Variants in PHACTR1 observed in about 807,000 individuals in gnomAD.
PHACTR1 encodes the protein RPEL repeat containing 1.
In PHACTR1, 16 loss-of-function variants were observed where a neutral mutation model predicts 69.2. The ratio of observed to expected loss-of-function variants is 0.23; its 90% CI spans 0.16 to 0.35. The LOEUF (loss-of-function observed/expected upper bound fraction) is 0.35, where lower values mean the gene tolerates loss of function less well. PHACTR1 is among the 10% of genes least tolerant of loss of function. PHACTR1 has a pLI of 1.00. For synonymous variants in PHACTR1, 312 were observed against 284.5 expected (o/e 1.10, Z -0.97); for missense variants, 510 against 734.7 (o/e 0.69, Z 3.54).
intron 4 of PHACTR1, among the ~76,000 whole-genome samples, chr6:12,907,611 G>C (rs1377291493): frequency 6.6e-6 from 1 of 152,136 alleles, no homozygotes; most frequent in African/African-American, 2.4e-5. Context: ...AAATCAGCCT[G>C]GTACCAAATT....
At chr6:12,774,992 G>A (rs1392368264) in intron 4 of PHACTR1, among the ~76,000 whole-genome samples, 1 of 152,166 alleles carries the variant, frequency 6.6e-6, no homozygotes, top group Non-Finnish European at 1.5e-5. Flanking sequence ...TTCCAAGGAC[G>A]TGTCCAACTT....
chr6:13,173,041 A>G (rs1005833355), intron 6 of PHACTR1, among the ~76,000 whole-genome samples: 6 of 152,220 alleles, frequency 3.9e-5, no homozygotes, highest in African/African-American at 1.4e-4. Context: ...AGATTCTGAA[A>G]ATATAGGTTC....
intron 4 of PHACTR1, among the ~76,000 whole-genome samples, chr6:12,856,826 G>A (rs1220440361): frequency 1.3e-5 from 2 of 152,162 alleles, no homozygotes; most frequent in Non-Finnish European, 1.5e-5. Flanking sequence ...TGAGAATTAA[G>A]CCAGAAGTAC....
chr6:13,204,462 ACAACCCACAGGGTT>A (rs1223805921), intron 7 of PHACTR1, among the ~76,000 whole-genome samples: 1 of 152,098 alleles, frequency 6.6e-6, no homozygotes, highest in Non-Finnish European at 1.5e-5. Context: ...AGGCAAGCCT[ACAACCCACAGGGTT>A]CAACCAGGTT....
intron 4 of PHACTR1, among the ~76,000 whole-genome samples, chr6:12,950,925 G>A (rs1046704353): frequency 2.0e-5 from 3 of 152,118 alleles, no homozygotes; most frequent in Non-Finnish European, 4.4e-5. Flanking sequence ...TCTTTCCGGG[G>A]TCTTGGTCCT....
intron 5 of PHACTR1, among the ~76,000 whole-genome samples, chr6:13,147,981 A>C (rs979140190): frequency 2.0e-5 from 3 of 152,136 alleles, no homozygotes; most frequent in African/African-American, 7.2e-5. Flanking sequence ...AGAGGTAGCC[A>C]CTGTCCTGAT....
intron 8 of PHACTR1, among the ~76,000 whole-genome samples, chr6:13,217,776 A>G (rs1203167414): frequency 6.6e-6 from 1 of 152,234 alleles, no homozygotes; most frequent in East Asian, 1.9e-4. Context: ...GGCCATGATA[A>G]ACCACACAAT....
At chr6:13,006,768 G>A (rs1798851980) in intron 4 of PHACTR1, among the ~76,000 whole-genome samples, 1 of 152,104 alleles carries the variant, frequency 6.6e-6, no homozygotes, top group South Asian at 2.1e-4. Context: ...CACAACACAA[G>A]TTCATGTCTC....
At chr6:13,248,732 T>C (rs907689470) in intron 10 of PHACTR1, among the ~76,000 whole-genome samples, 13 of 152,102 alleles carry the variant, frequency 8.5e-5, no homozygotes, top group African/African-American at 3.1e-4. Flanking sequence ...CTGCCGTAAG[T>C]GGAGGAACTC....
intron 4 of PHACTR1, among the ~76,000 whole-genome samples, chr6:13,000,528 A>G (rs1797943753): frequency 6.6e-6 from 1 of 151,680 alleles, no homozygotes; most frequent in African/African-American, 2.4e-5. Flanking sequence ...AGCCTCAGCG[A>G]CAGAGTCTCC....
At position 13,252,518 on chromosome 6, in the gene PHACTR1, T is replaced by C. The variant is rs145044923; in HGVS notation, c.1392-20342T>C. Among the ~76,000 whole-genome samples the C allele has an allele frequency of 2.3e-3, 357 of 152,198 alleles. 1 individual carries two copies. Among genetic ancestry groups the C allele is most frequent in the African/African-American group, 8.1e-3 (335 of 41,540 alleles). ...TTATTTCCATTATTAAAATTCCATCTATCCTGATCTCATTATAATTAACCA... is the reference window on the plus strand; with the variant it reads ...TTATTTCCATTATTAAAATTCCATCCATCCTGATCTCATTATAATTAACCA... On this transcript the variant is annotated intron_variant, in intron 10 of 14. Transcript: ENST00000332995.
chr6:13,075,407 G>A (rs1242382635), intron 5 of PHACTR1, among the ~76,000 whole-genome samples: 2 of 152,106 alleles, frequency 1.3e-5, no homozygotes, highest in Admixed American at 6.6e-5. Flanking sequence ...TGCCACCATC[G>A]AAACAAGAAG....
chr6:13,145,323 ATTTCCTC>A (rs1823170400), intron 5 of PHACTR1, among the ~76,000 whole-genome samples: 1 of 152,208 alleles, frequency 6.6e-6, no homozygotes, highest in South Asian at 2.1e-4. Context: ...TTTGTGACTT[ATTTCCTC>A]TGAATAGTTT....
chr6:12,918,736 T>A (rs550998312), intron 4 of PHACTR1, among the ~76,000 whole-genome samples: 8 of 152,276 alleles, frequency 5.3e-5, no homozygotes, highest in African/African-American at 1.9e-4. Context: ...ACATTATAAA[T>A]CTAAAGATAG....
intron 8 of PHACTR1, among the ~76,000 whole-genome samples, chr6:13,216,588 A>G (rs928870621): frequency 2.6e-5 from 4 of 152,240 alleles, no homozygotes; most frequent in Admixed American, 6.5e-5. Flanking sequence ...GGTGATGATC[A>G]TCTCTTCAAA....
intron 7 of PHACTR1, among the ~76,000 whole-genome samples, chr6:13,193,915 C>T (rs1763978172): frequency 6.6e-6 from 1 of 152,094 alleles, no homozygotes; most frequent in African/African-American, 2.4e-5. Flanking sequence ...GGTTCAACAG[C>T]ACAGTGATCA....
intron 4 of PHACTR1, among the ~76,000 whole-genome samples, chr6:12,888,072 CAAAAAAA>C (rs33925347): frequency 4.2e-5 from 3 of 71,920 alleles, no homozygotes; most frequent in Non-Finnish European, 7.3e-5. Flanking sequence ...GACTCCATCT[CAAAAAAA>C]AAAAAAAAAA....
At chr6:12,753,217 A>C (rs1332328068) in intron 4 of PHACTR1, among the ~76,000 whole-genome samples, 1 of 152,222 alleles carries the variant, frequency 6.6e-6, no homozygotes, top group African/African-American at 2.4e-5. Context: ...TTATCTTGTA[A>C]GAGTGCAGCC....
At chr6:12,885,746 G>C (rs572747702) in intron 4 of PHACTR1, among the ~76,000 whole-genome samples, 2 of 152,202 alleles carry the variant, frequency 1.3e-5, no homozygotes, top group Non-Finnish European at 2.9e-5. Context: ...CTCATCTGAT[G>C]CTAGCGATGG....
Sources: allele counts gnomAD v4.1 joint callset (sites outside exome capture counted in the v4.1 genomes callset), GRCh38; gene constraint gnomAD v4.1.1; transcripts MANE v1.5; gene names NCBI Gene and HGNC (gene_info 2026-07-23, HGNC 2026-07-21).